The following BCAS3 variants were observed in gnomAD, a reference collection of about 807,000 sequenced individuals.
The protein encoded by BCAS3 is BCAS4/BCAS3 fusion.
Under a neutral mutation model 116.1 loss-of-function variants are expected in BCAS3, and 53 were observed. The ratio of observed to expected loss-of-function variants is 0.46; its 90% confidence interval spans 0.37 to 0.57. BCAS3 has a LOEUF of 0.57. Ranked by LOEUF, BCAS3 falls within the 20% of genes least tolerant of loss-of-function variation. The pLI, the probability that BCAS3 is intolerant of heterozygous loss-of-function variation, is 0.00. For missense variants in BCAS3, 917 were observed against 1,165.4 expected (o/e 0.79, Z 3.10); for synonymous variants, 391 against 408.2 (o/e 0.96, Z 0.51).
intron 5 of BCAS3, among the ~76,000 whole-genome samples, chr17:60,725,453 A>G (rs1014910716): frequency 1.3e-5 from 2 of 152,216 alleles, no homozygotes; most frequent in Non-Finnish European, 2.9e-5. Context: ...GTCTATGTCA[A>G]GTATTACGAG....
rs371442088 is a variant in BCAS3, at chr17:61,329,410, G to T, written c.2426-38917G>T. Among the ~76,000 whole-genome samples the T allele has an allele frequency of 2.7e-3, 391 of 146,204 alleles. 1 individual carries two copies. Among genetic ancestry groups the T allele is most frequent in the African/African-American group, 9.3e-3 (367 of 39,620 alleles). ...GGCCGGAGTGCAGTGGCGCGATCTC[G>T]GCTCACTGCAAGCTCCGCCTCCCGA... On this transcript the variant is annotated intron_variant, in intron 22 of 23. Coordinates refer to ENST00000407086, the MANE Select transcript of BCAS3 (RefSeq NM_017679.5).
At chr17:60,828,772 T>G (rs2050653463) in intron 7 of BCAS3, among the ~76,000 whole-genome samples, 1 of 152,216 alleles carries the variant, frequency 6.6e-6, no homozygotes, top group Admixed American at 6.5e-5. Context: ...CTTATGTTCT[T>G]TCAAGACATG....
intron 22 of BCAS3, among the ~76,000 whole-genome samples, chr17:61,242,735 A>T (rs117799305): frequency 3.8e-4 from 58 of 152,254 alleles, no homozygotes; most frequent in Non-Finnish European, 7.5e-4. Flanking sequence ...TTCTGAGCCA[A>T]TGTTGAATTG....
intron 14 of BCAS3, among the ~76,000 whole-genome samples, chr17:60,953,235 G>T (rs1286863506): frequency 6.6e-6 from 1 of 152,114 alleles, no homozygotes; most frequent in Non-Finnish European, 1.5e-5. Flanking sequence ...CTCTAACAGT[G>T]TATAAGCGTT....
chr17:60,712,582 G>T (rs1401843968), intron 5 of BCAS3, among the ~76,000 whole-genome samples: 6 of 152,156 alleles, frequency 3.9e-5, no homozygotes. Flanking sequence ...CAAAGCCCAT[G>T]ATCTAAGAGC....
chr17:60,990,289 T>A lies in BCAS3; in HGVS notation c.1486+54T>A, dbSNP rs1213423971. 3.8e-6 allele frequency: 6 copies of A among 1,571,346 alleles called. No individual in the cohort carries two copies. The African/African-American group carries it at 8.2e-5, about 21-fold the overall frequency. On this transcript the variant is annotated intron_variant, in intron 15 of 23. Transcript: ENST00000407086. This position sits in a 1 kb window ranked among gnomAD's most constrained non-coding sequence, Gnocchi z 5.1. ...TGAATCTTCCTTCCCTTTGTCCTTATTTTTACAGATCTGGGATAAAACTAA... is the reference window on the plus strand; with the variant it reads ...TGAATCTTCCTTCCCTTTGTCCTTAATTTTACAGATCTGGGATAAAACTAA...
At chr17:60,845,749 C>T (rs961078739) in intron 7 of BCAS3, among the ~76,000 whole-genome samples, 5 of 151,860 alleles carry the variant, frequency 3.3e-5, no homozygotes, top group African/African-American at 1.2e-4. Flanking sequence ...TGGTTACATA[C>T]TCCCTTTCTA....
chr17:61,342,804 T>C (rs1023666677), intron 22 of BCAS3, among the ~76,000 whole-genome samples: 6 of 150,178 alleles, frequency 4.0e-5, no homozygotes, highest in Non-Finnish European at 7.4e-5. Context: ...CAGGCTGGAG[T>C]ATAGTGGTGG....
chr17:60,843,169 G>T (rs1008489554), intron 7 of BCAS3, among the ~76,000 whole-genome samples: 1 of 149,772 alleles, frequency 6.7e-6, no homozygotes, highest in East Asian at 1.9e-4. Flanking sequence ...AAACTTATAC[G>T]TGCCCTTTTC....
rs1053869180 is a variant in BCAS3 at position 60,731,971 on chromosome 17, C to T, written c.322-15227C>T. Reference sequence around the variant, plus strand: ...TGTATTTTTAGTAGAGATGGGGTTTCGCGATGTTGTCCAGGCTGGTCTCAA... The same window carrying T: ...TGTATTTTTAGTAGAGATGGGGTTTTGCGATGTTGTCCAGGCTGGTCTCAA... On this transcript the variant is annotated intron_variant, in intron 5 of 23. Coordinates refer to ENST00000407086, the MANE Select transcript of BCAS3 (RefSeq NM_017679.5). Among the ~76,000 whole-genome samples, 29 of 151,920 alleles carry T rather than the reference C, an allele frequency of 1.9e-4. 1 individual carries two copies. Among genetic ancestry groups the T allele is most frequent in the African/African-American group, 6.0e-4 (25 of 41,352 alleles).
chr17:60,784,591 C>T (rs1472077394), intron 6 of BCAS3, among the ~76,000 whole-genome samples: 1 of 151,682 alleles, frequency 6.6e-6, no homozygotes, highest in African/African-American at 2.4e-5. Context: ...GCGTGAGCCA[C>T]TGCGCCCAGC....
At chr17:60,798,002 C>G (rs1184542961) in intron 6 of BCAS3, among the ~76,000 whole-genome samples, 1 of 152,324 alleles carries the variant, frequency 6.6e-6, no homozygotes, top group African/African-American at 2.4e-5. Flanking sequence ...GATTGTGCCA[C>G]TGCACTCCAG....
At chr17:60,939,772 T>A (rs1599834288) in intron 13 of BCAS3, among the ~76,000 whole-genome samples, 1 of 152,222 alleles carries the variant, frequency 6.6e-6, no homozygotes, top group South Asian at 2.1e-4. Flanking sequence ...AGATTCATCA[T>A]ACTGTACATC....
rs532419436 is a variant in BCAS3 at position 60,844,819 on chromosome 17, C to T, written c.477-23757C>T. ...GATATCATTGTAGTCAGTGAGTAGA[C>T]GTGAGGATGGAATAGAGCCAAGTAG... On this transcript the variant is annotated intron_variant, in intron 7 of 23. Coordinates refer to ENST00000407086, the MANE Select transcript of BCAS3 (RefSeq NM_017679.5). Among the ~76,000 whole-genome samples the T allele has an allele frequency of 5.9e-5, 9 of 151,944 alleles. No individual in the cohort carries two copies. In the East Asian group the frequency reaches 7.7e-4, roughly 13 times the overall value.
At chr17:61,152,025 G>A (rs1351352375) in intron 22 of BCAS3, among the ~76,000 whole-genome samples, 1 of 152,218 alleles carries the variant, frequency 6.6e-6, no homozygotes, top group Non-Finnish European at 1.5e-5. Flanking sequence ...TAGTGTGTCT[G>A]GAGTTGGTTC....
intron 6 of BCAS3, among the ~76,000 whole-genome samples, chr17:60,776,575 C>T (rs1462558707): frequency 6.6e-6 from 1 of 151,882 alleles, no homozygotes; most frequent in Non-Finnish European, 1.5e-5. Context: ...AAAAATTAGC[C>T]AGGCATGGTG....
chr17:60,737,280 C>G (rs1205058134), intron 5 of BCAS3, among the ~76,000 whole-genome samples: 3 of 152,098 alleles, frequency 2.0e-5, no homozygotes, highest in African/African-American at 4.8e-5. Flanking sequence ...TGTGCCTTCT[C>G]TGTTTCTTTT....
In BCAS3 at chr17:61,029,403, C is replaced by G. The variant is rs1329673764; in HGVS notation, c.1638-5263C>G. Among the ~76,000 whole-genome samples the G allele has an allele frequency of 2.0e-5, 3 of 151,810 alleles. No homozygotes were observed. Among genetic ancestry groups the G allele is most frequent in the Admixed American group, 6.6e-5 (1 of 15,226 alleles). On this transcript the variant is annotated intron_variant, in intron 16 of 23. Transcript: ENST00000407086. The surrounding 1 kb of genome is among the most constrained non-coding windows in gnomAD (Gnocchi z 5.2). ...CAACATTTTAGTCACTTTGGACTTC[C>G]CTGGTATTATGTGTCATCTAGGTTA...
chr17:60,757,394 ATGTGTGTG>A (rs61645091), intron 6 of BCAS3, among the ~76,000 whole-genome samples: 79 of 136,672 alleles, frequency 5.8e-4, no homozygotes, highest in African/African-American at 1.9e-3. Context: ...CAGCATGTAT[ATGTGTGTG>A]TGTGTGTGTG....
Sources: allele counts gnomAD v4.1 joint callset (sites outside exome capture counted in the v4.1 genomes callset), GRCh38; gene constraint gnomAD v4.1.1; non-coding constraint Gnocchi (gnomAD v3.1); transcripts MANE v1.5; gene names NCBI Gene and HGNC (gene_info 2026-07-23, HGNC 2026-07-21).